Variants in ZNF10 observed in about 807,000 individuals in gnomAD.
ZNF10 encodes zinc finger protein 10, also known as zinc finger protein 10 (KOX 1).
ZNF10 carries 8 observed loss-of-function variants against 12.2 expected under a neutral mutation model. The ratio of observed to expected loss-of-function variants is 0.66; its 90% confidence interval spans 0.39 to 1.18. The LOEUF is 1.18. Among genes scored for constraint, ZNF10 ranks in the 50% most tolerant of loss-of-function variants. The probability of loss-of-function intolerance (pLI) is 0.01; values close to 1 mark genes in which losing one functional copy is unlikely to be tolerated. For missense variants in ZNF10, 603 were observed against 678.9 expected (o/e 0.89, Z 1.24); for synonymous variants, 229 against 228.2 (o/e 1.00, Z -0.03).
rs766538205 is a variant in ZNF10 at position 133,156,238 on chromosome 12, G to C, written c.992G>C (p.Ser331Thr). 5.0e-6 allele frequency: 8 copies of C among 1,614,086 alleles called. No individual in the cohort carries two copies. In the South Asian group the frequency reaches 8.8e-5, roughly 18 times the overall value. The change falls in exon 5 of 5, where the codon AGC (serine) becomes ACC (threonine). Residue 331 changes from serine (S) to threonine (T), a missense_variant. By Grantham distance (58) the Ser-to-Thr change is moderately conservative (BLOSUM62 1). Around this residue, in one of 3 missense-constraint regions of ZNF10, gnomAD observed 393 missense variants for 399.7 expected, o/e 0.98. Transcript: ENST00000248211. ...YECKECGKSFSWFSHLVTHQR... is the reference protein window; with the variant it reads ...YECKECGKSFTWFSHLVTHQR... ...TGTAAAGAATGTGGAAAATCCTTCA[G>C]CTGGTTCTCTCACCTTGTTACTCAT... is the stretch of plus-strand genomic sequence containing the variant.
intron 2 of ZNF10, chr12:133,144,944 G>A (rs1472901860): frequency 2.4e-5 from 10 of 422,980 alleles, no homozygotes; most frequent in African/African-American, 1.0e-4. Flanking sequence ...GTCCAGTGGC[G>A]CGATCTCAGC....
intron 1 of ZNF10, among the ~76,000 whole-genome samples, chr12:133,136,846 C>A (rs1018529519): frequency 2.6e-5 from 4 of 152,090 alleles, no homozygotes; most frequent in African/African-American, 9.7e-5. Flanking sequence ...TATAGCCAGG[C>A]AGCTTGAGTG....
intron 4 of ZNF10, among the ~76,000 whole-genome samples, chr12:133,155,078 A>G (rs140232334): frequency 0.012 from 1,521 of 127,686 alleles, 28 homozygotes; most frequent in African/African-American, 0.049. Context: ...AACTGTCTCA[A>G]AAAAAAAAAA....
chr12:133,158,748 G>C lies in ZNF10; in HGVS notation c.*1780G>C, dbSNP rs552053095. On this transcript the variant is annotated 3_prime_UTR_variant, in exon 5 of 5. Transcript: ENST00000248211. Reference sequence around the variant, plus strand: ...CAACCAGAGATCTTGATCTCTCTCTGAGGAAAAAACCTAGAAATGATGGTT... The same window carrying C: ...CAACCAGAGATCTTGATCTCTCTCTCAGGAAAAAACCTAGAAATGATGGTT... 5.3e-5 allele frequency: 8 copies of C among 152,272 alleles called. 1 individual carries two copies. Among genetic ancestry groups the C allele is most frequent in the African/African-American group, 1.2e-4 (5 of 41,560 alleles). 9.4% of individuals were successfully genotyped at this position (152,272 alleles called of 1,614,324 possible).
intron 4 of ZNF10, among the ~76,000 whole-genome samples, chr12:133,152,919 A>G (rs138900915): frequency 0.014 from 2,169 of 152,034 alleles, 61 homozygotes; most frequent in African/African-American, 0.049. Flanking sequence ...TTAAATCTCT[A>G]CTTTGAAATA....
Position 133,158,115 on chromosome 12 carries a change from T to C in ZNF10, c.*1147T>C, listed in dbSNP as rs1482199726. The stretch of plus-strand genomic sequence containing the variant: ...GGTGATCTTGAACATGCTGCTTAGC[T>C]TCTCTGTGCCAAACTTACTGATATC... On this transcript the variant is annotated 3_prime_UTR_variant, in exon 5 of 5. Coordinates refer to ENST00000248211, the MANE Select transcript of ZNF10 (RefSeq NM_015394.5). 6.6e-6 allele frequency: 1 copy of C among 152,212 alleles called. No homozygotes were observed. Among genetic ancestry groups the C allele is most frequent in the East Asian group, 1.9e-4 (1 of 5,194 alleles). 9.4% of individuals were successfully genotyped at this position (152,212 alleles called of 1,614,324 possible).
At chr12:133,148,283 G>A (rs1307345451) in intron 2 of ZNF10, among the ~76,000 whole-genome samples, 2 of 152,042 alleles carry the variant, frequency 1.3e-5, no homozygotes, top group East Asian at 1.9e-4. Flanking sequence ...ACCATGCCCA[G>A]CTAATTTTTG....
At chr12:133,146,921 T>C (rs948099979) in intron 2 of ZNF10, among the ~76,000 whole-genome samples, 1 of 152,058 alleles carries the variant, frequency 6.6e-6, no homozygotes, top group Non-Finnish European at 1.5e-5. Flanking sequence ...CCTGTGTATA[T>C]AGTCCATGCT....
chr12:133,144,315 G>A (rs556730854), intron 1 of ZNF10, 119 bp from the exon 2 acceptor site: 5 of 519,596 alleles, frequency 9.6e-6, no homozygotes, highest in East Asian at 3.2e-5. Flanking sequence ...TATCTCTGAT[G>A]TTCCTCTGTA....
At chr12:133,131,711 C>T (rs1593836031) in intron 1 of ZNF10, among the ~76,000 whole-genome samples, 1 of 152,186 alleles carries the variant, frequency 6.6e-6, no homozygotes, top group African/African-American at 2.4e-5. Context: ...TGGTAAGTTG[C>T]ACACGCTCCT....
chr12:133,130,928 C>G (rs1284685861), intron 1 of ZNF10, 174 bp downstream of exon 1: 1 of 152,226 alleles, frequency 6.6e-6, no homozygotes, highest in African/African-American at 2.4e-5. Context: ...GTCCCTCGCG[C>G]GGCCCCGGCG....
chr12:133,131,246 G>C (rs1445101508), intron 1 of ZNF10, among the ~76,000 whole-genome samples: 1 of 151,802 alleles, frequency 6.6e-6, no homozygotes, highest in African/African-American at 2.4e-5. Context: ...TTAACTGAAG[G>C]CGTGTTTGTG....
intron 1 of ZNF10, among the ~76,000 whole-genome samples, chr12:133,131,257 T>C (rs1955873518): frequency 1.3e-5 from 2 of 151,822 alleles, no homozygotes; most frequent in Admixed American, 1.3e-4. Flanking sequence ...CGTGTTTGTG[T>C]GGTTAATCTA....
chr12:133,132,428 C>T lies in ZNF10; in HGVS notation c.-60+1674C>T, dbSNP rs145684023. ...GGGATTACAGGCGCCAGCCACCATG[C>T]CCAGCTAATTAACATATGCCAGTCA... On this transcript the variant is annotated intron_variant, in intron 1 of 4. Transcript: ENST00000248211. Among the ~76,000 whole-genome samples, 169 of 151,962 alleles carry T rather than the reference C, an allele frequency of 1.1e-3. 4 individuals carry two copies. In the East Asian group the frequency reaches 0.019, roughly 17 times the overall value.
Position 133,157,140 on chromosome 12 carries a change from G to C in ZNF10, c.*172G>C. On this transcript the variant is annotated 3_prime_UTR_variant, in exon 5 of 5. Transcript: ENST00000248211. ...GAAAGAAACCACAGATTTTATTTCAGTACACAAATCCATCAGATTTTCTTC... is the reference window on the plus strand; with the variant it reads ...GAAAGAAACCACAGATTTTATTTCACTACACAAATCCATCAGATTTTCTTC... 1 of 524,240 alleles carries C rather than the reference G, an allele frequency of 1.9e-6. No individual in the cohort carries two copies. The highest frequency in any genetic ancestry group is 2.9e-6 in the Non-Finnish European group (1 of 342,238). The allele number at this position is 524,240 out of a possible 1,614,324, so 32.5% of individuals were successfully genotyped here.
intron 1 of ZNF10, among the ~76,000 whole-genome samples, chr12:133,138,966 T>G (rs1193245740): frequency 6.6e-6 from 1 of 152,240 alleles, no homozygotes; most frequent in Non-Finnish European, 1.5e-5. Flanking sequence ...ACATATAGCA[T>G]CCACTTGTAT....
intron 1 of ZNF10, 44 bp from the exon 2 acceptor site, chr12:133,144,390 C>T (rs1489987971): frequency 7.9e-6 from 10 of 1,264,582 alleles, no homozygotes; most frequent in Admixed American, 3.9e-5. Flanking sequence ...TAGGGAGCCT[C>T]CCAGTCATAG....
intron 1 of ZNF10, among the ~76,000 whole-genome samples, chr12:133,141,220 A>C (rs967902660): frequency 1.2e-4 from 19 of 152,214 alleles, no homozygotes; most frequent in African/African-American, 4.3e-4. Flanking sequence ...AAAAGGATCA[A>C]ACTGTTTGCA....
In ZNF10 at chr12:133,138,324, G is replaced by GT. The variant is rs145087883; in HGVS notation, c.-59-6100dup. ...AAACCAGAAGCCTTACTGTAGTTTTGTTTTTTTTTTAATGAGATCCTATTG... is the reference window on the plus strand; with the variant it reads ...AAACCAGAAGCCTTACTGTAGTTTTGTTTTTTTTTTTAATGAGATCCTATTG... On this transcript the variant is annotated intron_variant, in intron 1 of 4. Transcript: ENST00000248211. Among the ~76,000 whole-genome samples, 303 of 134,294 alleles carry GT rather than the reference G, an allele frequency of 2.3e-3. 2 individuals are homozygous for GT. The South Asian group carries it at 0.035, about 15-fold the overall frequency. 88.1% of individuals were successfully genotyped at this position (134,294 alleles called of 152,430 possible). A position where few individuals can be genotyped will look rare whatever the true frequency, so the allele number is the denominator to read the frequency against.
Sources: gnomAD v4.1 joint callset for allele counts (sites outside exome capture counted in the v4.1 genomes callset) on GRCh38, gnomAD v4.1.1 for gene constraint, gnomAD v4.1.1 regional missense constraint, MANE v1.5 for transcripts, NCBI Gene and HGNC (gene_info 2026-07-23, HGNC 2026-07-21) for gene names.